The following ASB7 variants were observed in gnomAD, a reference collection of about 807,000 sequenced individuals.
The protein encoded by ASB7 is ankyrin repeat and SOCS box protein 7.
ASB7 carries 4 observed loss-of-function variants against 32.5 expected under a neutral mutation model. The ratio of observed to expected loss-of-function variants is 0.12; its 90% CI spans 0.06 to 0.28. ASB7 has a LOEUF of 0.28. ASB7 is among the 10% of genes least tolerant of loss of function. The pLI, the probability that ASB7 is intolerant of heterozygous loss-of-function variation, is 1.00. For missense variants in ASB7, 181 were observed against 407.1 expected, an observed-to-expected ratio of 0.44 and a Z score of 4.78; for synonymous variants, 172 against 155.6, an observed-to-expected ratio of 1.11 and a Z score of -0.78.
intron 4 of ASB7, among the ~76,000 whole-genome samples, chr15:100,624,414 T>C (rs1218426737): frequency 2.0e-5 from 3 of 152,198 alleles, no homozygotes; most frequent in Admixed American, 6.5e-5. Flanking sequence ...TACTCACATA[T>C]ACCCAGTAAA....
In ASB7 at chr15:100,651,670, T is replaced by C. The variant is rs1302714443; in HGVS notation, c.*3208T>C. ...TAATGTAAGTTTTGCTTTGGGTCAA[T>C]TTGAATTAAAAAAATCAAATCTGAT... On this transcript the variant is annotated 3_prime_UTR_variant, in exon 6 of 6. Transcript: ENST00000332783. 3.9e-5 allele frequency: 6 copies of C among 152,224 alleles called. No homozygotes were observed. Among genetic ancestry groups the C allele is most frequent in the Non-Finnish European group, 8.8e-5 (6 of 68,046 alleles). 9.4% of individuals were successfully genotyped at this position (152,224 alleles called of 1,614,324 possible).
intron 5 of ASB7, chr15:100,638,472 T>C (rs1194962352): frequency 6.6e-6 from 1 of 152,132 alleles, no homozygotes; most frequent in Admixed American, 6.5e-5. Context: ...AAAGAAAAAC[T>C]GTGGTTCTCC....
In ASB7 at chr15:100,609,328, A is replaced by G. The variant is rs137875709; in HGVS notation, c.-173-379A>G. ...ACGTATTCTCATTTAAGTCCTGTTT[A>G]GAAAGTGCAGGTGACTTATGGTGTC... On this transcript the variant is annotated intron_variant, in intron 2 of 5. Transcript: ENST00000332783. Among the ~76,000 whole-genome samples the G allele has an allele frequency of 1.9e-3, 293 of 152,352 alleles. 3 individuals carry two copies. Among genetic ancestry groups the G allele is most frequent in the East Asian group, 0.019 (99 of 5,182 alleles).
At chr15:100,605,774 A>G (rs2039639813) in intron 2 of ASB7, among the ~76,000 whole-genome samples, 1 of 152,214 alleles carries the variant, frequency 6.6e-6, no homozygotes, top group African/African-American at 2.4e-5. Flanking sequence ...GATAATATTG[A>G]CAGGACCTCA....
chr15:100,639,019 G>A (rs999058655), intron 5 of ASB7, among the ~76,000 whole-genome samples: 1 of 152,174 alleles, frequency 6.6e-6, no homozygotes, highest in Admixed American at 6.5e-5. Context: ...ACTCTCCATA[G>A]GAGGCTGAGC....
chr15:100,629,293 G>A lies in ASB7; in HGVS notation c.212-144G>A. ...ATTAAAACCAGACTTGAATTAAACTGAGGAAAAACGTACTTGATATTCATT... is the reference window on the plus strand; with the variant it reads ...ATTAAAACCAGACTTGAATTAAACTAAGGAAAAACGTACTTGATATTCATT... On this transcript the variant is annotated intron_variant, in intron 4 of 5. Transcript: ENST00000332783. The surrounding 1 kb of genome is among the most constrained non-coding windows in gnomAD (Gnocchi z 6.8). 1 of 733,220 alleles carries A rather than the reference G, an allele frequency of 1.4e-6. No homozygotes were observed. Among genetic ancestry groups the A allele is most frequent in the South Asian group, 1.9e-5 (1 of 52,832 alleles). The allele number at this position is 733,220 out of a possible 1,614,324, so 45.4% of individuals were successfully genotyped here.
At chr15:100,646,218 G>T in intron 5 of ASB7, 1 of 401,510 alleles carries the variant, frequency 2.5e-6, no homozygotes, top group Non-Finnish European at 5.0e-6. Context: ...TGTCACCCAG[G>T]CCACATCTGT....
intron 4 of ASB7, among the ~76,000 whole-genome samples, chr15:100,628,615 A>G (rs1165976629): frequency 6.6e-6 from 1 of 152,212 alleles, no homozygotes; most frequent in Non-Finnish European, 1.5e-5. Flanking sequence ...AACGCCATCA[A>G]GAACCAACCT....
intron 5 of ASB7, among the ~76,000 whole-genome samples, chr15:100,641,762 A>G (rs2039962969): frequency 1.3e-5 from 2 of 152,268 alleles, no homozygotes; most frequent in African/African-American, 4.8e-5. Context: ...TTTGGTAACC[A>G]GAAGCAAACA....
chr15:100,622,890 T>C (rs948037993), intron 4 of ASB7, among the ~76,000 whole-genome samples: 1 of 152,232 alleles, frequency 6.6e-6, no homozygotes, highest in Non-Finnish European at 1.5e-5. Flanking sequence ...ATTTTATGGC[T>C]AAGACCTCAG....
chr15:100,624,192 T>A (rs1437529678), intron 4 of ASB7, among the ~76,000 whole-genome samples: 2 of 152,200 alleles, frequency 1.3e-5, no homozygotes, highest in Non-Finnish European at 2.9e-5. Flanking sequence ...AGAGGTTGGT[T>A]AATGGGTTCC....
chr15:100,635,513 G>A (rs1411246607), intron 5 of ASB7, among the ~76,000 whole-genome samples: 2 of 152,142 alleles, frequency 1.3e-5, no homozygotes, highest in African/African-American at 2.4e-5. Flanking sequence ...CATGTTTATT[G>A]CAGCTGTAGG....
At chr15:100,632,383 C>T (rs1197741024) in intron 5 of ASB7, among the ~76,000 whole-genome samples, 1 of 152,224 alleles carries the variant, frequency 6.6e-6, no homozygotes, top group Admixed American at 6.5e-5. Flanking sequence ...TTTCTTGACT[C>T]TCCAGTGGTG....
intron 2 of ASB7, among the ~76,000 whole-genome samples, chr15:100,607,389 G>A (rs1223904476): frequency 3.9e-5 from 6 of 152,118 alleles, no homozygotes; most frequent in East Asian, 1.9e-4. Context: ...TCTGTCAGGC[G>A]CAGCTCTCAT....
chr15:100,622,138 A>G (rs958646801), intron 4 of ASB7, among the ~76,000 whole-genome samples: 1 of 152,156 alleles, frequency 6.6e-6, no homozygotes, highest in African/African-American at 2.4e-5. Context: ...TAGCATTTCT[A>G]TATACCAGTA....
intron 5 of ASB7, 142 bp downstream of exon 5, chr15:100,630,184 G>A: frequency 2.2e-6 from 3 of 1,335,826 alleles, no homozygotes; most frequent in African/African-American, 3.0e-5. Flanking sequence ...TCATTCTTCT[G>A]AAATAAAAAA....
chr15:100,638,212 T>G (rs2039937715), intron 5 of ASB7, among the ~76,000 whole-genome samples: 1 of 152,206 alleles, frequency 6.6e-6, no homozygotes, highest in Admixed American at 6.5e-5. Context: ...GTTTCAGAAT[T>G]TGATGAATCT....
intron 4 of ASB7, among the ~76,000 whole-genome samples, chr15:100,627,039 C>T (rs1416242745): frequency 6.6e-6 from 1 of 151,882 alleles, no homozygotes; most frequent in Admixed American, 6.6e-5. Context: ...TATCAAAGCT[C>T]ATCATCTGTA....
intron 5 of ASB7, among the ~76,000 whole-genome samples, chr15:100,637,345 G>T (rs2039931078): frequency 6.6e-6 from 1 of 152,170 alleles, no homozygotes; most frequent in Non-Finnish European, 1.5e-5. Flanking sequence ...AGGACTTAGG[G>T]CCAGTCATAA....
Sources: allele counts gnomAD v4.1 joint callset (sites outside exome capture counted in the v4.1 genomes callset), GRCh38; gene constraint gnomAD v4.1.1; non-coding constraint Gnocchi (gnomAD v3.1); transcripts MANE v1.5; gene names NCBI Gene and HGNC (gene_info 2026-07-23, HGNC 2026-07-21).